ARHGAP39: variants seen among roughly 807,000 people sequenced by gnomAD.
ARHGAP39 encodes the protein Rho GTPase activating protein 39.
Under a neutral mutation model 106.9 loss-of-function variants are expected in ARHGAP39, and 44 were observed. The ratio of observed to expected loss-of-function variants is 0.41; its 90% confidence interval spans 0.32 to 0.53. The LOEUF is 0.53. Among genes scored for constraint, ARHGAP39 ranks in the 20% least tolerant of loss-of-function variants. The pLI is 0.21. For synonymous variants in ARHGAP39, 768 were observed against 693.2 expected, an observed-to-expected ratio of 1.11 and a Z score of -1.69; for missense variants, 1,496 against 1,577.3, an observed-to-expected ratio of 0.95 and a Z score of 0.87.
intron 2 of ARHGAP39, among the ~76,000 whole-genome samples, chr8:144,590,579 T>G (rs924545800): frequency 2.0e-5 from 3 of 152,134 alleles, no homozygotes; most frequent in Non-Finnish European, 4.4e-5. Context: ...ACCAGCCAAT[T>G]AAACGTCTTT....
At chr8:144,611,620 C>G (rs1005098424) in intron 1 of ARHGAP39, among the ~76,000 whole-genome samples, 4 of 152,186 alleles carry the variant, frequency 2.6e-5, no homozygotes, top group Admixed American at 6.5e-5. Flanking sequence ...GCTCTGAAAT[C>G]AGTACATTTG....
At chr8:144,535,208 GGTCCTTGGACCAGGTTAAAAAAAA>G (rs1243140752) in intron 7 of ARHGAP39, among the ~76,000 whole-genome samples, 4 of 152,208 alleles carry the variant, frequency 2.6e-5, no homozygotes, top group Non-Finnish European at 5.9e-5. Flanking sequence ...GAGGGCATGG[GGTCCTTGGACCAGGTTAAAAAAAA>G]GTGCACACGT....
chr8:144,692,268 A>G, the ARHGAP39 span, among the ~76,000 whole-genome samples: 2 of 151,910 alleles, frequency 1.3e-5, no homozygotes, highest in East Asian at 1.9e-4. Context: ...GGGCTCCCCA[A>G]TGCCCCGCCC....
chr8:144,653,597 G>A lies in ARHGAP39; in HGVS notation c.-82+32089C>T, dbSNP rs114786651. Among the ~76,000 whole-genome samples, 436 of 152,216 alleles carry A rather than the reference G, an allele frequency of 2.9e-3. 2 individuals are homozygous for A. The highest frequency in any genetic ancestry group is 9.9e-3 in the African/African-American group (413 of 41,542). ...TGAAACACCCATGCCTCACCCTCTCGGTCTCATCAAACCTGCAGTTAAGAC... is the reference window on the plus strand; with the variant it reads ...TGAAACACCCATGCCTCACCCTCTCAGTCTCATCAAACCTGCAGTTAAGAC... On this transcript the variant is annotated intron_variant, in intron 1 of 11. Transcript: ENST00000377307.
chr8:144,693,404 T>G, the ARHGAP39 span, among the ~76,000 whole-genome samples: 1 of 147,538 alleles, frequency 6.8e-6, no homozygotes. Flanking sequence ...GACGGAGTCT[T>G]GCTCTGTCGC....
upstream of ARHGAP39, among the ~76,000 whole-genome samples, chr8:144,686,391 G>GT (rs1822590692): frequency 6.6e-6 from 1 of 152,052 alleles, no homozygotes; most frequent in Non-Finnish European, 1.5e-5. Flanking sequence ...TCTAATCTGC[G>GT]TTCAGCCTGG....
intron 3 of ARHGAP39, among the ~76,000 whole-genome samples, chr8:144,575,349 C>T (rs919707229): frequency 2.6e-5 from 4 of 152,174 alleles, no homozygotes; most frequent in Non-Finnish European, 5.9e-5. Context: ...TTTTTAGTTT[C>T]TTTAAACTTT....
chr8:144,611,417 G>T (rs1820485452), intron 1 of ARHGAP39, among the ~76,000 whole-genome samples: 1 of 152,166 alleles, frequency 6.6e-6, no homozygotes, highest in Non-Finnish European at 1.5e-5. Flanking sequence ...TGTTCTACTT[G>T]TTCTATCCAT....
intron 3 of ARHGAP39, among the ~76,000 whole-genome samples, chr8:144,567,066 G>A (rs901704663): frequency 2.2e-4 from 34 of 151,966 alleles, no homozygotes; most frequent in Admixed American, 1.6e-3. Context: ...TGATGTGGGC[G>A]GCAAGCCACC....
chr8:144,605,482 G>A, intron 2 of ARHGAP39, 53 bp downstream of exon 2: 1 of 1,569,704 alleles, frequency 6.4e-7, no homozygotes, highest in East Asian at 2.2e-5. Flanking sequence ...GAAGAAAGCA[G>A]TTCCACCCAC....
chr8:144,618,258 G>A (rs1820690536), intron 1 of ARHGAP39, among the ~76,000 whole-genome samples: 1 of 152,222 alleles, frequency 6.6e-6, no homozygotes, highest in Non-Finnish European at 1.5e-5. Flanking sequence ...GGGTCCTGGT[G>A]TGGGGCTGGG....
chr8:144,640,968 CA>C (rs1331988278), intron 1 of ARHGAP39, among the ~76,000 whole-genome samples: 2 of 152,202 alleles, frequency 1.3e-5, no homozygotes, highest in Non-Finnish European at 2.9e-5. Flanking sequence ...ACATAGAAAT[CA>C]ACATTGTGAG....
At chr8:144,615,901 C>A (rs1227743795) in intron 1 of ARHGAP39, among the ~76,000 whole-genome samples, 1 of 152,242 alleles carries the variant, frequency 6.6e-6, no homozygotes, top group East Asian at 1.9e-4. Context: ...CTCACCAAAG[C>A]CGCCTGCTCC....
intron 1 of ARHGAP39, among the ~76,000 whole-genome samples, chr8:144,639,382 T>C (rs1821255063): frequency 6.6e-6 from 1 of 151,480 alleles, no homozygotes; most frequent in Non-Finnish European, 1.5e-5. Flanking sequence ...ATTTTTGAAT[T>C]AATTTAAATT....
chr8:144,578,632 G>T (rs1818855051), intron 3 of ARHGAP39, among the ~76,000 whole-genome samples: 1 of 152,120 alleles, frequency 6.6e-6, no homozygotes, highest in South Asian at 2.1e-4. Flanking sequence ...CATACTGCCT[G>T]GGCTCAGGAG....
the ARHGAP39 span, among the ~76,000 whole-genome samples, chr8:144,692,055 A>G: frequency 4.6e-5 from 7 of 152,034 alleles, no homozygotes; most frequent in Non-Finnish European, 2.9e-5. Flanking sequence ...ACTGGAAGCC[A>G]TGGGAGCTTC....
intron 3 of ARHGAP39, among the ~76,000 whole-genome samples, chr8:144,574,091 T>G (rs111877802): frequency 8.3e-4 from 121 of 146,538 alleles, no homozygotes; most frequent in African/African-American, 2.9e-3. Flanking sequence ...GAGAATTGCT[T>G]GAACCCAGGA....
rs1249241694 is a variant in ARHGAP39 at position 144,546,458 on chromosome 8, G to A, written c.1960-648C>T. Among the ~76,000 whole-genome samples, 3 of 152,308 alleles carry A rather than the reference G, an allele frequency of 2.0e-5. No individual in the cohort carries two copies. The East Asian group carries it at 5.8e-4, about 29-fold the overall frequency. ...AGGCCCTCGAGGTCTCCCCACCCAA[G>A]GAAGCTCCCTGTGTTCCTCCTCCAC... is the stretch of plus-strand genomic sequence containing the variant. On this transcript the variant is annotated intron_variant, in intron 5 of 11. Coordinates refer to ENST00000377307, the MANE Select transcript of ARHGAP39 (RefSeq NM_025251.3).
intron 5 of ARHGAP39, 123 bp from the exon 6 acceptor site, chr8:144,545,933 C>G: frequency 5.0e-6 from 4 of 794,328 alleles, no homozygotes; most frequent in African/African-American, 3.5e-5. Flanking sequence ...GGTGAGAGCC[C>G]TGCCCTGCTC....
Sources: gnomAD v4.1 joint callset for allele counts (sites outside exome capture counted in the v4.1 genomes callset) on GRCh38, gnomAD v4.1.1 for gene constraint, MANE v1.5 for transcripts, NCBI Gene and HGNC (gene_info 2026-07-23, HGNC 2026-07-21) for gene names.